The following VPS37A variants were observed in gnomAD, a reference collection of about 807,000 sequenced individuals.
The protein encoded by VPS37A is VPS37A subunit of ESCRT-I, also known as vacuolar protein sorting-associated protein 37A.
In VPS37A, 30 loss-of-function variants were observed where a neutral mutation model predicts 49.8. The observed-to-expected ratio is 0.60, with a 90% CI of 0.45 to 0.82. The LOEUF (loss-of-function observed/expected upper bound fraction) is 0.82, where lower values mean the gene tolerates loss of function less well. Among genes scored for constraint, VPS37A ranks in the 40% least tolerant of loss-of-function variants. The probability of loss-of-function intolerance (pLI) is 0.00; values close to 1 mark genes in which losing one functional copy is unlikely to be tolerated. For missense variants in VPS37A, 593 were observed against 464.4 expected, an observed-to-expected ratio of 1.28 and a Z score of -2.55; for synonymous variants, 195 against 160.6, an observed-to-expected ratio of 1.21 and a Z score of -1.62.
At chr8:17,259,794 C>G (rs1212046856) in intron 1 of VPS37A, among the ~76,000 whole-genome samples, 1 of 152,088 alleles carries the variant, frequency 6.6e-6, no homozygotes, top group African/African-American at 2.4e-5. Flanking sequence ...TATCTGCTTG[C>G]TGAATTGACC....
chr8:17,276,805 G>A (rs907456813), intron 6 of VPS37A, among the ~76,000 whole-genome samples: 1 of 152,000 alleles, frequency 6.6e-6, no homozygotes, highest in African/African-American at 2.4e-5. Context: ...GCCTATTTTA[G>A]ATCTTCCATT....
chr8:17,326,716 A>G, the VPS37A span, among the ~76,000 whole-genome samples: 78 of 152,324 alleles, frequency 5.1e-4, no homozygotes, highest in East Asian at 0.014. Context: ...GCCAACAACC[A>G]TAAGTGCTTG....
At chr8:17,255,673 AT>A (rs1192158883) in intron 1 of VPS37A, among the ~76,000 whole-genome samples, 15 of 152,304 alleles carry the variant, frequency 9.8e-5, no homozygotes, top group African/African-American at 3.4e-4. Flanking sequence ...TCAACTGTAT[AT>A]TTAAACTCAC....
At chr8:17,325,796 T>C in the VPS37A span, among the ~76,000 whole-genome samples, 2 of 152,220 alleles carry the variant, frequency 1.3e-5, no homozygotes, top group African/African-American at 4.8e-5. Flanking sequence ...TTCATGTCTT[T>C]TGAATAAAGA....
downstream of VPS37A, among the ~76,000 whole-genome samples, chr8:17,302,734 C>T (rs1386443562): frequency 2.3e-5 from 2 of 87,780 alleles, no homozygotes; most frequent in Admixed American, 1.8e-4. Flanking sequence ...TTTTTAATGG[C>T]AGAGTTTCGC....
the VPS37A span, among the ~76,000 whole-genome samples, chr8:17,315,018 A>G: frequency 7.3e-6 from 1 of 136,066 alleles, no homozygotes; most frequent in African/African-American, 3.1e-5. Flanking sequence ...ATCTATGGCT[A>G]TATATTAGCC....
chr8:17,288,421 C>T (rs556078863), intron 11 of VPS37A, among the ~76,000 whole-genome samples: 1 of 152,190 alleles, frequency 6.6e-6, no homozygotes, highest in African/African-American at 2.4e-5. Context: ...CTCCTTGTGC[C>T]CATATGTTCT....
chr8:17,323,353 T>C, the VPS37A span, among the ~76,000 whole-genome samples: 68 of 152,172 alleles, frequency 4.5e-4, no homozygotes, highest in East Asian at 7.9e-3. Context: ...TTCCATATTA[T>C]TTTCACTAAA....
downstream of VPS37A, chr8:17,301,865 T>A (rs976428163): frequency 2.4e-5 from 10 of 412,246 alleles, no homozygotes; most frequent in Non-Finnish European, 3.8e-5. Flanking sequence ...CAGAAAAAAA[T>A]TAATTTTACT....
chr8:17,250,022 A>G (rs75853530), intron 1 of VPS37A, among the ~76,000 whole-genome samples: 11,845 of 152,032 alleles, frequency 0.078, 627 homozygotes, highest in South Asian at 0.19. Flanking sequence ...ATAACTTTCT[A>G]CTCCTCTAGT....
chr8:17,301,249 A>G (rs144224646), downstream of VPS37A, among the ~76,000 whole-genome samples: 869 of 152,330 alleles, frequency 5.7e-3, 11 homozygotes, highest in Admixed American at 9.2e-3. Context: ...AGTTCATGCA[A>G]TGTAAGAATT....
the VPS37A span, chr8:17,331,407 T>G: frequency 1.0e-6 from 1 of 988,744 alleles, no homozygotes; most frequent in Non-Finnish European, 1.4e-6. Flanking sequence ...ATAATACGCT[T>G]ATTTGAATCA....
chr8:17,298,735 G>C (rs1441170971), downstream of VPS37A: 1 of 152,538 alleles, frequency 6.6e-6, no homozygotes, highest in Admixed American at 6.6e-5. Context: ...TCCCCACTAA[G>C]TTTAATTTAG....
At chr8:17,313,224 G>A in the VPS37A span, 1 of 1,170,220 alleles carries the variant, frequency 8.5e-7, no homozygotes, top group Non-Finnish European at 1.3e-6. Context: ...CATGGCAGAG[G>A]GATACCCATT....
At position 17,276,444 on chromosome 8, in the gene VPS37A, A is replaced by C; in HGVS notation, c.690A>C (p.Ala230=). The C allele has an allele frequency of 2.5e-6, 4 of 1,612,618 alleles. No individual in the cohort carries two copies. The highest frequency in any genetic ancestry group is 3.4e-6 in the Non-Finnish European group (4 of 1,179,358). ...ACAAGATGCCAGATGTCCCTGATGC[A>C]TTTCCAGAACTCTCAGAACTAAGGT... ...FGYKMPDVPD[A]FPELSELSVS... The change falls in exon 6 of 12, where the codon GCA becomes GCC. Residue 230 remains alanine, a synonymous_variant. Transcript: ENST00000324849.
chr8:17,252,750 C>G (rs190657359), intron 1 of VPS37A, among the ~76,000 whole-genome samples: 118 of 152,170 alleles, frequency 7.8e-4, no homozygotes, highest in African/African-American at 2.7e-3. Context: ...TGTGTTACCT[C>G]GCTGGTGTAG....
the VPS37A span, chr8:17,331,369 C>T: frequency 2.9e-6 from 4 of 1,359,918 alleles, no homozygotes; most frequent in East Asian, 7.3e-5. Flanking sequence ...GATACCCAAT[C>T]AAAGCATTCA....
chr8:17,248,070 A>T (rs1026224380), intron 1 of VPS37A: 9 of 405,904 alleles, frequency 2.2e-5, no homozygotes, highest in South Asian at 2.0e-4. Context: ...ATATTTTTAC[A>T]ATTCATATTA....
rs17124312 is a variant in VPS37A at position 17,284,223 on chromosome 8, A to C, written c.970-250A>C. On this transcript the variant is annotated intron_variant, in intron 9 of 11. Coordinates refer to ENST00000324849, the MANE Select transcript of VPS37A (RefSeq NM_152415.3). ...AATTCGTAAATCCTTAGGAGAGAAC[A>C]ATGATTTTCCCAGTTTCTCTCATTT... is the stretch of plus-strand genomic sequence containing the variant. 0.11 allele frequency among the ~76,000 whole-genome samples: 16,174 copies of C among 152,186 alleles called. 1,811 individuals are homozygous for C. The highest frequency in any genetic ancestry group is 0.28 in the African/African-American group (11,773 of 41,464).
Sources: gnomAD v4.1 joint callset for allele counts (sites outside exome capture counted in the v4.1 genomes callset) on GRCh38, gnomAD v4.1.1 for gene constraint, MANE v1.5 for transcripts, NCBI Gene and HGNC (gene_info 2026-07-23, HGNC 2026-07-21) for gene names.